Variants in RGS3 observed in about 807,000 individuals in gnomAD.
The protein encoded by RGS3 is regulator of G protein signaling 3, also known as regulator of G-protein signalling 3.
A neutral mutation model predicts 132.6 loss-of-function variants in RGS3; 80 were observed. The ratio of observed to expected loss-of-function variants is 0.60; its 90% CI spans 0.50 to 0.73. The LOEUF (loss-of-function observed/expected upper bound fraction) is 0.73, where lower values mean the gene tolerates loss of function less well. Ranked by LOEUF, RGS3 falls within the 30% of genes least tolerant of loss-of-function variation. The pLI is 0.00. For missense variants in RGS3, 1,382 were observed against 1,530.8 expected (o/e 0.90, Z 1.62); for synonymous variants, 598 against 620.6 (o/e 0.96, Z 0.54).
intron 4 of RGS3, among the ~76,000 whole-genome samples, chr9:113,480,302 C>G: frequency 6.6e-6 from 1 of 151,616 alleles, no homozygotes; most frequent in South Asian, 2.1e-4. Flanking sequence ...ACCAAAAATA[C>G]AAAAAAATTA....
exon 11 of RGS3, chr9:113,505,492 C>T (rs1279630210): frequency 6.2e-7 from 1 of 1,614,234 alleles, no homozygotes; most frequent in Non-Finnish European, 8.5e-7. Flanking sequence ...TCTGCTGCGA[C>T]TCTCCAGTTC....
At chr9:113,530,256 G>A (rs1832405275) in intron 18 of RGS3, among the ~76,000 whole-genome samples, 1 of 152,256 alleles carries the variant, frequency 6.6e-6, no homozygotes, top group Non-Finnish European at 1.5e-5. Flanking sequence ...CCTAGAGAGA[G>A]TTTTTGAACA....
chr9:113,466,666 C>G (rs911383193), intron 3 of RGS3, among the ~76,000 whole-genome samples: 6 of 152,034 alleles, frequency 3.9e-5, no homozygotes, highest in African/African-American at 1.4e-4. Context: ...TAATATTTTT[C>G]TCCAGGATTG....
intron 21 of RGS3, among the ~76,000 whole-genome samples, chr9:113,593,261 A>G (rs1477779059): frequency 1.3e-5 from 2 of 152,240 alleles, no homozygotes; most frequent in African/African-American, 4.8e-5. Context: ...TGCCATTTTA[A>G]GCTTGAATAG....
chr9:113,493,576 G>C (rs1830589914), intron 7 of RGS3, among the ~76,000 whole-genome samples: 1 of 152,180 alleles, frequency 6.6e-6, no homozygotes, highest in Non-Finnish European at 1.5e-5. Flanking sequence ...TGAGAAGCTA[G>C]TTTTGTTTTG....
chr9:113,501,250 A>T, intron 10 of RGS3: 1 of 404,858 alleles, frequency 2.5e-6, no homozygotes, highest in Non-Finnish European at 4.4e-6. Flanking sequence ...TTGGAATCAC[A>T]AAGTGGCCCA....
chr9:113,561,114 C>A (rs772974230), intron 19 of RGS3, among the ~76,000 whole-genome samples: 2 of 152,096 alleles, frequency 1.3e-5, no homozygotes, highest in Non-Finnish European at 2.9e-5. Flanking sequence ...ATCTTCACCT[C>A]CCAGATTCAA....
chr9:113,454,606 A>C (rs567540861), intron 1 of RGS3, among the ~76,000 whole-genome samples: 1 of 152,208 alleles, frequency 6.6e-6, no homozygotes, highest in African/African-American at 2.4e-5. Context: ...AGACAGTATC[A>C]AAAAAACAAA....
intron 19 of RGS3, among the ~76,000 whole-genome samples, chr9:113,571,655 C>G (rs938676079): frequency 2.0e-5 from 3 of 152,154 alleles, no homozygotes; most frequent in African/African-American, 7.2e-5. Flanking sequence ...TCTCTTCCCA[C>G]TCTGGGATTT....
At chr9:113,497,917 C>A in intron 9 of RGS3, 108 bp from the exon 8 acceptor site, 1 of 1,120,506 alleles carries the variant, frequency 8.9e-7, no homozygotes, top group Non-Finnish European at 1.3e-6. Context: ...AGGAGTGGCC[C>A]TGGGCAGCCC....
chr9:113,584,359 A>G (rs1451708869), exon 20 of RGS3: 5 of 1,571,176 alleles, frequency 3.2e-6, no homozygotes, highest in Non-Finnish European at 4.3e-6. Context: ...CAGCACCCTC[A>G]AGAAAGAGCT....
chr9:113,516,012 T>A (rs1033699567), intron 15 of RGS3, among the ~76,000 whole-genome samples: 6 of 152,284 alleles, frequency 3.9e-5, no homozygotes, highest in South Asian at 2.1e-4. Flanking sequence ...GGGAAATGAC[T>A]GGGTCATGGG....
chr9:113,584,036 G>T, exon 20 of RGS3: 4 of 1,614,140 alleles, frequency 2.5e-6, no homozygotes, highest in Non-Finnish European at 3.4e-6. Context: ...GAGCAGGGCT[G>T]CTCGGGAGAT....
At chr9:113,584,144 G>T (rs1401912778) in exon 20 of RGS3, 1 of 1,614,260 alleles carries the variant, frequency 6.2e-7, no homozygotes, top group African/African-American at 1.3e-5. Context: ...GGAGAGCGCA[G>T]TGAGGCCAAG....
intron 20 of RGS3, among the ~76,000 whole-genome samples, chr9:113,586,271 C>G (rs977360131): frequency 1.3e-5 from 2 of 152,228 alleles, no homozygotes; most frequent in Non-Finnish European, 1.5e-5. Flanking sequence ...TTGGGCTTCC[C>G]AATCCTGATT....
chr9:113,546,668 A>T (rs984324602), intron 19 of RGS3, among the ~76,000 whole-genome samples: 2 of 152,144 alleles, frequency 1.3e-5, no homozygotes, highest in Admixed American at 6.5e-5. Context: ...CTTTGTGGAG[A>T]CCAGAGCATG....
In RGS3 at chr9:113,463,867, A is replaced by G. The variant is rs776300760; in HGVS notation, c.415+1666A>G. The G allele has an allele frequency of 1.6e-5, 25 of 1,612,708 alleles. No individual in the cohort carries two copies. Among genetic ancestry groups the G allele is most frequent in the Non-Finnish European group, 2.0e-5 (24 of 1,179,696 alleles). On this transcript the variant is annotated intron_variant, in intron 3 of 24. Coordinates refer to ENST00000350696, the Ensembl canonical transcript of RGS3. This position sits in a 1 kb window ranked among gnomAD's most constrained non-coding sequence, Gnocchi z 4.6. Reference sequence around the variant, plus strand: ...CGTGCCCACCCGGACTTGTCCTTCTACCTCACCACCTTTGGTAAGTGCCCG... The same window carrying G: ...CGTGCCCACCCGGACTTGTCCTTCTGCCTCACCACCTTTGGTAAGTGCCCG...
At chr9:113,451,184 AAAAG>A (rs1829234672) in intron 1 of RGS3, among the ~76,000 whole-genome samples, 1 of 151,206 alleles carries the variant, frequency 6.6e-6, no homozygotes, top group Non-Finnish European at 1.5e-5. Context: ...GTCTCAAAAA[AAAAG>A]AAAAAAAAAA....
At chr9:113,538,385 T>C (rs1046389437) in intron 19 of RGS3, among the ~76,000 whole-genome samples, 1 of 152,218 alleles carries the variant, frequency 6.6e-6, no homozygotes, top group African/African-American at 2.4e-5. Context: ...TTCCTCTTCA[T>C]TGGGGTGGCC....
Sources: gnomAD v4.1 joint callset for allele counts (sites outside exome capture counted in the v4.1 genomes callset) on GRCh38, gnomAD v4.1.1 for gene constraint, Gnocchi (gnomAD v3.1) non-coding constraint, MANE v1.5 for transcripts, NCBI Gene and HGNC (gene_info 2026-07-23, HGNC 2026-07-21) for gene names.